DHX36: variants seen among roughly 807,000 people sequenced by gnomAD.
DHX36 encodes DEAH-box helicase 36.
A neutral mutation model predicts 139.0 loss-of-function variants in DHX36; 50 were observed. That is an observed-to-expected ratio of 0.36 (90% CI 0.29 to 0.46). DHX36 has a LOEUF of 0.46. Among genes scored for constraint, DHX36 ranks in the 20% least tolerant of loss-of-function variants. DHX36 has a pLI of 1.00. For synonymous variants in DHX36, 425 were observed against 401.9 expected (o/e 1.06, Z -0.69); for missense variants, 1,024 against 1,211.3 (o/e 0.85, Z 2.29).
Position 154,273,998 on chromosome 3 carries a change from T to C in DHX36, c.*2173A>G, listed in dbSNP as rs1435298209. 6.6e-6 allele frequency: 1 copy of C among 152,178 alleles called. No homozygotes were observed. The highest frequency in any genetic ancestry group is 2.4e-5 in the African/African-American group (1 of 41,434). 9.4% of individuals were successfully genotyped at this position (152,178 alleles called of 1,614,324 possible). On this transcript the variant is annotated 3_prime_UTR_variant, in exon 25 of 25. Transcript: ENST00000496811. Reference sequence around the variant, plus strand: ...TGTATGTTTCTGATTAATACCCTTTTTGCCAAGTTAAAAATACCCTACTAG... The same window carrying C: ...TGTATGTTTCTGATTAATACCCTTTCTGCCAAGTTAAAAATACCCTACTAG...
chr3:154,293,711 G>A (rs566233525), intron 14 of DHX36, 37 bp downstream of exon 14: 2 of 1,453,524 alleles, frequency 1.4e-6, no homozygotes, highest in Admixed American at 1.7e-5. Flanking sequence ...TAAAACTTAT[G>A]TAATCATCAG....
At chr3:154,318,156 T>TGG (rs2108367971) in intron 1 of DHX36, among the ~76,000 whole-genome samples, 1 of 152,190 alleles carries the variant, frequency 6.6e-6, no homozygotes, top group South Asian at 2.1e-4. Context: ...TTTACATGGG[T>TGG]AGGAGGATAA....
intron 14 of DHX36, among the ~76,000 whole-genome samples, chr3:154,293,532 T>C (rs569839742): frequency 1.2e-3 from 181 of 152,248 alleles, no homozygotes; most frequent in Non-Finnish European, 2.1e-3. Context: ...CAGTGAGCCA[T>C]GATCGTGCCA....
At chr3:154,282,618 G>C (rs769623404) in intron 20 of DHX36, among the ~76,000 whole-genome samples, 2 of 150,920 alleles carry the variant, frequency 1.3e-5, no homozygotes, top group Non-Finnish European at 3.0e-5. Flanking sequence ...GATTTGGTAT[G>C]TTAGATTTTT....
At chr3:154,286,166 C>CAA (rs60041573) in intron 17 of DHX36, among the ~76,000 whole-genome samples, 429 of 16,532 alleles carry the variant, frequency 0.026, 57 homozygotes, top group African/African-American at 0.067. Context: ...TTCCACACAC[C>CAA]AAAAAAAAAA....
rs761280991 is a variant in DHX36 at position 154,277,648 on chromosome 3, C to A, written c.2638G>T (p.Asp880Tyr). ...TAGATAAGCCAGTTGTAGTGAAAGT[C>A]TGTTTGCTCCACATTAACAGATTTA... ...HPKSVNVEQT[D>Y]FHYNWLIYHL... The change falls in exon 23 of 25, where the codon GAC (aspartate) becomes TAC (tyrosine). Residue 880 changes from aspartate to tyrosine, a missense_variant. This residue lies in a region of DHX36 where 470 missense variants were observed against 616.2 expected (regional missense o/e 0.76). Coordinates refer to ENST00000496811, the MANE Select transcript of DHX36 (RefSeq NM_020865.3). 2 of 1,612,452 alleles carry A rather than the reference C, an allele frequency of 1.2e-6. No homozygotes were observed. The highest frequency in any genetic ancestry group is 1.7e-6 in the Non-Finnish European group (2 of 1,178,904).
At chr3:154,313,615 G>A (rs1559959054) in intron 3 of DHX36, among the ~76,000 whole-genome samples, 3 of 152,188 alleles carry the variant, frequency 2.0e-5, no homozygotes, top group Admixed American at 1.3e-4. Context: ...AGGAGGTCGA[G>A]GCTGCAGTGA....
At position 154,315,914 on chromosome 3, in the gene DHX36, A is replaced by C. The variant is rs1712959001; in HGVS notation, c.368+125T>G. 5 of 1,154,282 alleles carry C rather than the reference A, an allele frequency of 4.3e-6. No individual in the cohort carries two copies. The Admixed American group carries it at 1.4e-4, about 33-fold the overall frequency. 71.5% of individuals were successfully genotyped at this position (1,154,282 alleles called of 1,614,324 possible). ...TAAAAGTCATTTTCTAAATCTGTTT[A>C]ATCTACATAAGGAAAAAAAGTACGT... On this transcript the variant is annotated intron_variant, in intron 2 of 24. Transcript: ENST00000496811.
intron 5 of DHX36, among the ~76,000 whole-genome samples, chr3:154,309,053 T>C (rs1712628157): frequency 1.3e-5 from 2 of 152,108 alleles, no homozygotes; most frequent in Non-Finnish European, 2.9e-5. Flanking sequence ...CCAGGTATGG[T>C]AGCACATGCC....
At chr3:154,280,299 T>A (rs1207740079) in intron 22 of DHX36, 11 of 297,336 alleles carry the variant, frequency 3.7e-5, no homozygotes, top group Non-Finnish European at 1.2e-5. Flanking sequence ...CAGCCACTGG[T>A]ATTTACTAGC....
intron 23 of DHX36, 117 bp from the exon 24 acceptor site, chr3:154,277,016 T>TCTA (rs376578943): frequency 7.1e-6 from 6 of 843,268 alleles, no homozygotes; most frequent in Admixed American, 3.6e-5. Flanking sequence ...ATATTAACCT[T>TCTA]CTATTGTAAT....
In DHX36 at chr3:154,309,719, A is replaced by G. The variant is rs757230042; in HGVS notation, c.747T>C (p.Ile249=). The change falls in exon 5 of 25, where the codon ATT becomes ATC. Residue 249 remains isoleucine (I), a synonymous_variant. Transcript: ENST00000496811. Reference sequence around the variant, plus strand: ...TGCAAGCAGATCCTTTTCCTCTTTCAATGTAGTTATCCAAAATGAACTGAG... The same window carrying G: ...TGCAAGCAGATCCTTTTCCTCTTTCGATGTAGTTATCCAAAATGAACTGAG... ...QVTQFILDNY[I]ERGKGSACRI... is the part of the protein sequence containing the mutation. 1.4e-5 allele frequency: 22 copies of G among 1,613,386 alleles called. No individual in the cohort carries two copies. The South Asian group carries it at 2.4e-4, about 18-fold the overall frequency.
intron 5 of DHX36, among the ~76,000 whole-genome samples, chr3:154,308,245 T>C (rs1221713916): frequency 6.6e-6 from 1 of 152,188 alleles, no homozygotes; most frequent in African/African-American, 2.4e-5. Context: ...GGGTGAAGTC[T>C]ACTGCTCTTT....
chr3:154,280,772 T>G lies in DHX36; in HGVS notation c.2467A>C (p.Ile823Leu). The change falls in exon 21 of 25, where the codon ATA becomes CTA. Residue 823 changes from isoleucine (I) to leucine (L), a missense_variant. This residue lies in a region of DHX36 where 470 missense variants were observed against 616.2 expected (regional missense o/e 0.76). Transcript: ENST00000496811. ...GTGTTTCCTGCTGTACCTGAATTTA[T>G]ATTAGATTCTGGATCTTTAGGATTT... Reference protein sequence around the residue: ...SRNPKDPESNINSDNEKIIKA... With the variant: ...SRNPKDPESNLNSDNEKIIKA... 6.2e-7 allele frequency: 1 copy of G among 1,613,054 alleles called. No individual in the cohort carries two copies. Among genetic ancestry groups the G allele is most frequent in the Non-Finnish European group, 8.5e-7 (1 of 1,179,276 alleles).
At chr3:154,298,974 A>T (rs1712151609) in intron 12 of DHX36, among the ~76,000 whole-genome samples, 1 of 151,990 alleles carries the variant, frequency 6.6e-6, no homozygotes, top group Non-Finnish European at 1.5e-5. Flanking sequence ...GAGTAGGGTT[A>T]GAAATTATAT....
chr3:154,305,229 C>T (rs1003749966), intron 6 of DHX36, 61 bp from the exon 7 acceptor site: 6 of 1,396,844 alleles, frequency 4.3e-6, no homozygotes, highest in African/African-American at 1.5e-5. Context: ...TTAACTACCA[C>T]AAAGGTTTAT....
chr3:154,312,527 T>A (rs1013259980), intron 3 of DHX36, among the ~76,000 whole-genome samples: 2 of 151,902 alleles, frequency 1.3e-5, no homozygotes, highest in Admixed American at 6.6e-5. Context: ...AAAGTCAGCT[T>A]TAATAAACAC....
Position 154,300,544 on chromosome 3 carries a change from G to A in DHX36, c.1461+50C>T, listed in dbSNP as rs374675996. ...ACTGTATTTTTCATGGCCTTGATAC[G>A]TTAATAAAATTAAAATTATGTTAAC... On this transcript the variant is annotated intron_variant, in intron 11 of 24. Coordinates refer to ENST00000496811, the MANE Select transcript of DHX36 (RefSeq NM_020865.3). The A allele has an allele frequency of 8.9e-5, 128 of 1,438,618 alleles. 1 individual carries two copies. In the African/African-American group the frequency reaches 1.0e-3, roughly 11 times the overall value. The allele number at this position is 1,438,618 out of a possible 1,614,324, so 89.1% of individuals were successfully genotyped here.
chr3:154,278,405 T>C (rs1719223615), intron 22 of DHX36: 2 of 152,126 alleles, frequency 1.3e-5, no homozygotes, highest in Non-Finnish European at 2.9e-5. Flanking sequence ...TAATTACCTG[T>C]ATTAACTAAC....
Sources: allele counts gnomAD v4.1 joint callset (sites outside exome capture counted in the v4.1 genomes callset), GRCh38; gene constraint gnomAD v4.1.1; regional missense constraint gnomAD v4.1.1; transcripts MANE v1.5; gene names NCBI Gene and HGNC (gene_info 2026-07-23, HGNC 2026-07-21).